Variants in DOCK4 observed in about 807,000 individuals in gnomAD.
The protein encoded by DOCK4 is dedicator of cytokinesis protein 4.
In DOCK4, 97 loss-of-function variants were observed where a neutral mutation model predicts 268.1. The ratio of observed to expected loss-of-function variants is 0.36; its 90% confidence interval spans 0.31 to 0.43. DOCK4 has a LOEUF of 0.43. DOCK4 is among the 20% of genes least tolerant of loss of function. The probability of loss-of-function intolerance (pLI) is 1.00; values close to 1 mark genes in which losing one functional copy is unlikely to be tolerated. For synonymous variants in DOCK4, 954 were observed against 887.2 expected, an observed-to-expected ratio of 1.08 and a Z score of -1.34; for missense variants, 2,145 against 2,455.7, an observed-to-expected ratio of 0.87 and a Z score of 2.67.
intron 23 of DOCK4, among the ~76,000 whole-genome samples, chr7:111,859,783 G>T (rs1262180857): frequency 6.6e-6 from 1 of 151,788 alleles, no homozygotes; most frequent in African/African-American, 2.4e-5. Context: ...TAGCCGGGAT[G>T]GTCTCGATCT....
At chr7:111,892,683 C>T (rs1464638197) in intron 16 of DOCK4, among the ~76,000 whole-genome samples, 1 of 152,154 alleles carries the variant, frequency 6.6e-6, no homozygotes. Flanking sequence ...TTTTTAAATA[C>T]TGAATTCAAG....
Position 111,844,799 on chromosome 7 carries a change from G to T in DOCK4, c.2700C>A (p.Ser900=). The T allele has an allele frequency of 6.2e-7, 1 of 1,613,716 alleles. No homozygotes were observed. The highest frequency in any genetic ancestry group is 8.5e-7 in the Non-Finnish European group (1 of 1,179,744). ...GGAACTGGAACCGCATTGCTGAGCT[G>T]GATGGCTGAGGTCGGCTGGTGATCT... ...ILEITSRPQP[S]SSAMRFQFQD... The change falls in exon 25 of 53, where the codon TCC becomes TCA. Residue 900 remains serine, a synonymous_variant. Transcript: ENST00000428084.
At chr7:111,948,611 C>G (rs1291723390) in intron 8 of DOCK4, among the ~76,000 whole-genome samples, 1 of 150,236 alleles carries the variant, frequency 6.7e-6, no homozygotes, top group Non-Finnish European at 1.5e-5. Context: ...TTTTTTTTCC[C>G]GAGACGGAGT....
chr7:111,844,924 A>C (rs781558575), intron 24 of DOCK4, 27 bp from the exon 25 acceptor site: 1 of 1,592,506 alleles, frequency 6.3e-7, no homozygotes, highest in Non-Finnish European at 8.6e-7. Flanking sequence ...TAATATGTTC[A>C]GGAAACTGGG....
intron 13 of DOCK4, among the ~76,000 whole-genome samples, chr7:111,904,340 T>C (rs1321221985): frequency 6.6e-6 from 1 of 152,196 alleles, no homozygotes; most frequent in Non-Finnish European, 1.5e-5. Context: ...CAGGTGTAAG[T>C]CCTTAATAAA....
At chr7:111,732,116 C>A in intron 52 of DOCK4, 110 bp downstream of exon 52, 1 of 1,111,954 alleles carries the variant, frequency 9.0e-7, no homozygotes, top group Non-Finnish European at 1.3e-6. Context: ...TTGATAAGTT[C>A]TTTGCCTGGT....
intron 1 of DOCK4, among the ~76,000 whole-genome samples, chr7:112,051,623 C>A (rs1242354981): frequency 6.6e-6 from 1 of 151,314 alleles, no homozygotes; most frequent in African/African-American, 2.4e-5. Flanking sequence ...AAAAGAATGA[C>A]ATTTTCTAAT....
chr7:111,783,355 G>A (rs1384895196), intron 34 of DOCK4, among the ~76,000 whole-genome samples: 1 of 152,018 alleles, frequency 6.6e-6, no homozygotes, highest in Non-Finnish European at 1.5e-5. Context: ...GTATTTAAGT[G>A]GGATTAACTA....
At position 111,868,010 on chromosome 7, in the gene DOCK4, C is replaced by T; in HGVS notation, c.2254G>A (p.Gly752Arg). ...VRFFLSQESKGSGALSQSQAV... is the reference protein window; with the variant it reads ...VRFFLSQESKRSGALSQSQAV... The stretch of plus-strand genomic sequence containing the variant: ...TGTGACTGAGATAATGCTCCAGACC[C>T]TTTGCTCTCTTGCGAAAGAAAGAAA... Residue 752 changes from glycine to arginine, a missense_variant, in exon 22 of 53, where the codon GGG (glycine) becomes AGG (arginine). Physicochemically the swap from Gly to Arg is moderately radical, Grantham distance 125 (BLOSUM62 -2). Around this residue, in one of 2 missense-constraint regions of DOCK4, gnomAD observed 1,598 missense variants for 1,986.7 expected, o/e 0.80. Coordinates refer to ENST00000428084, the MANE Select transcript of DOCK4 (RefSeq NM_001363540.2). The T allele has an allele frequency of 6.2e-7, 1 of 1,611,694 alleles. No homozygotes were observed. Among genetic ancestry groups the T allele is most frequent in the Non-Finnish European group, 8.5e-7 (1 of 1,179,024 alleles).
chr7:112,165,719 A>G (rs972572510), intron 1 of DOCK4, among the ~76,000 whole-genome samples: 2 of 152,050 alleles, frequency 1.3e-5, no homozygotes, highest in Admixed American at 1.3e-4. Context: ...ATGTAAGGGG[A>G]AAAAAATCAA....
chr7:112,030,529 T>C (rs1056284179), intron 1 of DOCK4, among the ~76,000 whole-genome samples: 1 of 152,182 alleles, frequency 6.6e-6, no homozygotes, highest in Non-Finnish European at 1.5e-5. Flanking sequence ...CTAATAATTA[T>C]ATTTATTTCC....
In DOCK4 at chr7:111,790,714, T is replaced by C; in HGVS notation, c.3167-109A>G. 4.0e-6 allele frequency: 5 copies of C among 1,257,798 alleles called. No individual in the cohort carries two copies. In the South Asian group the frequency reaches 5.1e-5, roughly 13 times the overall value. The allele number at this position is 1,257,798 out of a possible 1,614,324, so 77.9% of individuals were successfully genotyped here. On this transcript the variant is annotated intron_variant, in intron 30 of 52. Transcript: ENST00000428084. ...CTATTGCTAGAAATATATTCAATTA[T>C]AGTCGTCTCCTCAAGCAAGAAAATA...
At chr7:111,809,428 A>G in intron 28 of DOCK4, 27 bp from the exon 29 acceptor site, 1 of 1,518,964 alleles carries the variant, frequency 6.6e-7, no homozygotes, top group Non-Finnish European at 9.0e-7. Context: ...ATATATCAAT[A>G]CTATGGTGTT....
At chr7:112,070,215 T>A (rs1807461198) in intron 1 of DOCK4, among the ~76,000 whole-genome samples, 1 of 152,070 alleles carries the variant, frequency 6.6e-6, no homozygotes, top group Non-Finnish European at 1.5e-5. Context: ...AAATAGGAGA[T>A]GACTAATTAA....
intron 1 of DOCK4, among the ~76,000 whole-genome samples, chr7:112,074,771 C>T (rs1283859987): frequency 1.3e-5 from 2 of 152,190 alleles, no homozygotes; most frequent in African/African-American, 4.8e-5. Flanking sequence ...ATCTCACCAA[C>T]AGCTGGCTGG....
chr7:112,122,315 T>C (rs1812804106), intron 1 of DOCK4, among the ~76,000 whole-genome samples: 1 of 152,172 alleles, frequency 6.6e-6, no homozygotes, highest in African/African-American at 2.4e-5. Flanking sequence ...CTATACCCAT[T>C]AACTCCTCTT....
intron 1 of DOCK4, among the ~76,000 whole-genome samples, chr7:112,140,249 G>C (rs1586905732): frequency 6.6e-6 from 1 of 152,152 alleles, no homozygotes; most frequent in South Asian, 2.1e-4. Context: ...CTCTCCCCTA[G>C]AATGGGAAAC....
intron 13 of DOCK4, among the ~76,000 whole-genome samples, chr7:111,913,566 C>A (rs968979064): frequency 6.6e-6 from 1 of 151,410 alleles, no homozygotes; most frequent in Non-Finnish European, 1.5e-5. Context: ...CCCGCCACCA[C>A]GCCCGGCTAA....
Position 111,846,894 on chromosome 7 carries a change from G to A in DOCK4, c.2601+105C>T, listed in dbSNP as rs1037438866. On this transcript the variant is annotated intron_variant, in intron 24 of 52. Coordinates refer to ENST00000428084, the MANE Select transcript of DOCK4 (RefSeq NM_001363540.2). Reference sequence around the variant, plus strand: ...CCAGCCCAGCTGGAAATAAAAGTGGGTCTCAGAGGCTTCCTCTTTAGTGCG... The same window carrying A: ...CCAGCCCAGCTGGAAATAAAAGTGGATCTCAGAGGCTTCCTCTTTAGTGCG... 17 of 1,302,324 alleles carry A rather than the reference G, an allele frequency of 1.3e-5. No individual in the cohort carries two copies. The African/African-American group carries it at 2.4e-4, about 18-fold the overall frequency. 80.7% of individuals were successfully genotyped at this position (1,302,324 alleles called of 1,614,324 possible). A position where few individuals can be genotyped will look rare whatever the true frequency, so the allele number is the denominator to read the frequency against.
Sources: allele counts gnomAD v4.1 joint callset (sites outside exome capture counted in the v4.1 genomes callset), GRCh38; gene constraint gnomAD v4.1.1; regional missense constraint gnomAD v4.1.1; transcripts MANE v1.5; gene names NCBI Gene and HGNC (gene_info 2026-07-23, HGNC 2026-07-21).